Variants in LRRIQ3 observed in about 807,000 individuals in gnomAD.
LRRIQ3 encodes the protein leucine-rich repeat and IQ domain-containing protein 3.
In LRRIQ3, 75 loss-of-function variants were observed where a neutral mutation model predicts 59.3. The ratio of observed to expected loss-of-function variants is 1.26; its 90% CI spans 1.05 to 1.53. The LOEUF is 1.53. Ranked by LOEUF, LRRIQ3 falls within the 40% of genes most tolerant of loss-of-function variation. The probability of loss-of-function intolerance (pLI) is 0.00; values close to 1 mark genes in which losing one functional copy is unlikely to be tolerated. For synonymous variants in LRRIQ3, 250 were observed against 231.3 expected, an observed-to-expected ratio of 1.08 and a Z score of -0.73; for missense variants, 831 against 710.0, an observed-to-expected ratio of 1.17 and a Z score of -1.94.
chr1:74,028,277 G>A (rs563406403), intron 7 of LRRIQ3, among the ~76,000 whole-genome samples: 3 of 151,858 alleles, frequency 2.0e-5, no homozygotes, highest in Admixed American at 6.6e-5. Flanking sequence ...AAAAGAGAGG[G>A]TGAAGTCTAA....
At chr1:74,099,983 T>C (rs1646506860) in intron 5 of LRRIQ3, among the ~76,000 whole-genome samples, 2 of 152,126 alleles carry the variant, frequency 1.3e-5, no homozygotes, top group South Asian at 4.1e-4. Flanking sequence ...AGCATTCCCT[T>C]TGAAAACTGG....
At chr1:74,196,994 G>T (rs1264636582) in intron 1 of LRRIQ3, among the ~76,000 whole-genome samples, 2 of 152,184 alleles carry the variant, frequency 1.3e-5, no homozygotes, top group African/African-American at 4.8e-5. Flanking sequence ...ATGGCCCTTT[G>T]TTCTCTCTCT....
At chr1:74,109,606 C>A in intron 4 of LRRIQ3, 53 bp from the exon 5 acceptor site, 3 of 1,440,068 alleles carry the variant, frequency 2.1e-6, no homozygotes, top group Non-Finnish European at 2.8e-6. Flanking sequence ...CATTAAAAAA[C>A]ATGAAAATTA....
intron 4 of LRRIQ3, among the ~76,000 whole-genome samples, chr1:74,150,133 AGATGT>A (rs1183279476): frequency 6.6e-6 from 1 of 152,216 alleles, no homozygotes; most frequent in East Asian, 1.9e-4. Flanking sequence ...GCATAAAATC[AGATGT>A]AAAGATTGGA....
intron 4 of LRRIQ3, among the ~76,000 whole-genome samples, chr1:74,110,237 C>A (rs1646676420): frequency 6.6e-6 from 1 of 151,854 alleles, no homozygotes; most frequent in South Asian, 2.1e-4. Context: ...TTTCATCAAA[C>A]CTACTCAATA....
intron 5 of LRRIQ3, among the ~76,000 whole-genome samples, chr1:74,087,462 T>C (rs1266598431): frequency 6.7e-6 from 1 of 148,440 alleles, no homozygotes; most frequent in Non-Finnish European, 1.5e-5. Flanking sequence ...TGTTTAATTA[T>C]ATAAACGTAT....
chr1:74,073,051 A>G (rs138400650), intron 6 of LRRIQ3, among the ~76,000 whole-genome samples: 89 of 152,232 alleles, frequency 5.8e-4, no homozygotes, highest in African/African-American at 2.1e-3. Flanking sequence ...AGTTTAAAAT[A>G]CCTCAAAAGT....
At chr1:74,193,376 T>C (rs968516515) in intron 1 of LRRIQ3, among the ~76,000 whole-genome samples, 2 of 152,122 alleles carry the variant, frequency 1.3e-5, no homozygotes, top group Non-Finnish European at 2.9e-5. Context: ...TCAACTAAAG[T>C]ACCAATTTAA....
chr1:74,104,963 A>G (rs1646588553), intron 5 of LRRIQ3, among the ~76,000 whole-genome samples: 1 of 152,136 alleles, frequency 6.6e-6, no homozygotes, highest in East Asian at 1.9e-4. Flanking sequence ...TCTAACAAAT[A>G]AAGTTTATGA....
At chr1:74,149,779 T>G (rs1331849087) in intron 4 of LRRIQ3, among the ~76,000 whole-genome samples, 1 of 152,218 alleles carries the variant, frequency 6.6e-6, no homozygotes, top group Non-Finnish European at 1.5e-5. Context: ...CTCTCTTTTG[T>G]TCATACATGC....
chr1:74,163,269 G>A (rs540088679), intron 3 of LRRIQ3, among the ~76,000 whole-genome samples: 3 of 151,172 alleles, frequency 2.0e-5, no homozygotes, highest in Admixed American at 2.0e-4. Context: ...TTAATATTAT[G>A]TTCACTTTAA....
chr1:74,114,171 G>C (rs960647456), intron 4 of LRRIQ3, among the ~76,000 whole-genome samples: 20 of 151,800 alleles, frequency 1.3e-4, no homozygotes, highest in Non-Finnish European at 2.9e-5. Context: ...CAAAAATAAA[G>C]AGAACTAAAA....
intron 5 of LRRIQ3, chr1:74,083,756 T>C (rs1285619580): frequency 6.5e-6 from 1 of 154,188 alleles, no homozygotes; most frequent in Non-Finnish European, 1.4e-5. Context: ...AAATAGCCAA[T>C]CTCTCTTACA....
At chr1:74,172,070 G>A (rs958080863) in intron 3 of LRRIQ3, among the ~76,000 whole-genome samples, 1 of 151,848 alleles carries the variant, frequency 6.6e-6, no homozygotes, top group African/African-American at 2.4e-5. Context: ...ACTGAATTTT[G>A]TTGAATTTCT....
intron 4 of LRRIQ3, among the ~76,000 whole-genome samples, chr1:74,114,192 G>T (rs1035815024): frequency 2.0e-5 from 3 of 151,804 alleles, no homozygotes; most frequent in African/African-American, 7.3e-5. Flanking sequence ...ATGATAAATA[G>T]AAATATAATA....
chr1:74,119,611 G>C (rs191133765), intron 4 of LRRIQ3, among the ~76,000 whole-genome samples: 1 of 151,584 alleles, frequency 6.6e-6, no homozygotes, highest in Non-Finnish European at 1.5e-5. Flanking sequence ...TTTGTTTATG[G>C]GTGTACAGTA....
intron 3 of LRRIQ3, chr1:74,180,022 C>T (rs1649882772): frequency 6.6e-6 from 1 of 151,802 alleles, no homozygotes; most frequent in Non-Finnish European, 1.5e-5. Context: ...TTCATAAATT[C>T]TATTTCCTAT....
At chr1:74,081,053 G>C (rs1007874221) in intron 5 of LRRIQ3, among the ~76,000 whole-genome samples, 2 of 151,558 alleles carry the variant, frequency 1.3e-5, no homozygotes, top group Non-Finnish European at 3.0e-5. Context: ...ACCCCTTTAA[G>C]TGACTGGCAG....
Position 74,038,430 on chromosome 1 carries a change from C to A in LRRIQ3, c.1718+2783G>T, listed in dbSNP as rs561406555. On this transcript the variant is annotated intron_variant, in intron 7 of 7. Coordinates refer to ENST00000354431, the MANE Select transcript of LRRIQ3 (RefSeq NM_001105659.2). ...CAGCCCAGACAAGTGGGTTTCCCCC[C>A]CAGCAAAACACACCTTTCACCAAGG... Among the ~76,000 whole-genome samples the A allele has an allele frequency of 2.6e-5, 4 of 152,282 alleles. No individual in the cohort carries two copies. The South Asian group carries it at 6.2e-4, about 24-fold the overall frequency.
Sources: gnomAD v4.1 joint callset for allele counts (sites outside exome capture counted in the v4.1 genomes callset) on GRCh38, gnomAD v4.1.1 for gene constraint, MANE v1.5 for transcripts, NCBI Gene and HGNC (gene_info 2026-07-23, HGNC 2026-07-21) for gene names.